Variants in SIDT1 observed in about 807,000 individuals in gnomAD.
SIDT1 encodes the protein SID1 transmembrane family, member 1.
Under a neutral mutation model 107.5 loss-of-function variants are expected in SIDT1, and 101 were observed. That is an observed-to-expected ratio of 0.94 (90% CI 0.80 to 1.11). The LOEUF (loss-of-function observed/expected upper bound fraction) is 1.11. Ranked by LOEUF, SIDT1 falls within the 50% of genes least tolerant of loss-of-function variation. The pLI, the probability that SIDT1 is intolerant of heterozygous loss-of-function variation, is 0.00. For missense variants in SIDT1, 1,076 were observed against 1,058.2 expected (o/e 1.02, Z -0.23); for synonymous variants, 395 against 398.2 (o/e 0.99, Z 0.10).
At chr3:113,588,416 C>T (rs1382231085) in intron 9 of SIDT1, among the ~76,000 whole-genome samples, 2 of 152,232 alleles carry the variant, frequency 1.3e-5, no homozygotes, top group African/African-American at 4.8e-5. Flanking sequence ...AGCTACTCAT[C>T]TCAGCATAAT....
At chr3:113,623,037 A>T (rs1341492908) in intron 21 of SIDT1, among the ~76,000 whole-genome samples, 2 of 151,916 alleles carry the variant, frequency 1.3e-5, no homozygotes, top group South Asian at 2.1e-4. Flanking sequence ...AAAAAATTTT[A>T]AAAGTTAGCT....
intron 9 of SIDT1, among the ~76,000 whole-genome samples, chr3:113,587,385 A>C (rs1401110147): frequency 6.6e-6 from 1 of 152,228 alleles, no homozygotes; most frequent in East Asian, 1.9e-4. Flanking sequence ...TAAAAACAAA[A>C]ACCCCAGGCT....
intron 3 of SIDT1, among the ~76,000 whole-genome samples, chr3:113,572,188 G>A (rs1269052327): frequency 1.3e-5 from 2 of 152,212 alleles, no homozygotes; most frequent in Admixed American, 6.5e-5. Flanking sequence ...AAGAGAAAAT[G>A]AGAATTTTGA....
intron 2 of SIDT1, 53 bp from the exon 3 acceptor site, chr3:113,567,487 T>G: frequency 6.9e-7 from 1 of 1,451,010 alleles, no homozygotes; most frequent in South Asian, 1.3e-5. Flanking sequence ...GCTCATTCAC[T>G]GAGTCCCTTT....
At chr3:113,575,342 A>T (rs571437591) in intron 3 of SIDT1, among the ~76,000 whole-genome samples, 19 of 152,344 alleles carry the variant, frequency 1.2e-4, no homozygotes, top group Admixed American at 1.2e-3. Context: ...TTGTTCTCTG[A>T]TCTGGCAACA....
intron 19 of SIDT1, among the ~76,000 whole-genome samples, chr3:113,613,388 C>T (rs2203251): frequency 0.37 from 55,960 of 152,156 alleles, 11,393 homozygotes; most frequent in African/African-American, 0.55. Flanking sequence ...CTGCAGACTC[C>T]TCACTCATGA....
intron 1 of SIDT1, among the ~76,000 whole-genome samples, chr3:113,540,599 T>A (rs1477497497): frequency 6.6e-6 from 1 of 152,214 alleles, no homozygotes; most frequent in Non-Finnish European, 1.5e-5. Flanking sequence ...TCATTTTACT[T>A]CTGAATTTTA....
At chr3:113,535,144 T>A (rs953118435) in intron 1 of SIDT1, among the ~76,000 whole-genome samples, 2 of 152,170 alleles carry the variant, frequency 1.3e-5, no homozygotes, top group African/African-American at 2.4e-5. Flanking sequence ...TGATGGCACA[T>A]GCGCCTGTAG....
At chr3:113,624,938 T>C (rs1035084995) in intron 23 of SIDT1, among the ~76,000 whole-genome samples, 14 of 152,204 alleles carry the variant, frequency 9.2e-5, no homozygotes, top group African/African-American at 2.4e-4. Context: ...TATGTAGATA[T>C]GTGTATCATA....
chr3:113,598,617 ACTAT>A (rs1296667648), intron 10 of SIDT1, among the ~76,000 whole-genome samples: 1 of 152,172 alleles, frequency 6.6e-6, no homozygotes, highest in Non-Finnish European at 1.5e-5. Context: ...CTATCCATCC[ACTAT>A]CTGAGTGACT....
chr3:113,555,262 C>T (rs1000830970), intron 1 of SIDT1, among the ~76,000 whole-genome samples: 1 of 152,170 alleles, frequency 6.6e-6, no homozygotes, highest in African/African-American at 2.4e-5. Context: ...AATATTCCCC[C>T]CAAAATCTAT....
In SIDT1 at chr3:113,627,845, A is replaced by G. The variant is rs1204431597; in HGVS notation, c.*137A>G. On this transcript the variant is annotated 3_prime_UTR_variant, in exon 25 of 25. Transcript: ENST00000264852. ...GAGCCAACTCTGCATTCACACAGGA[A>G]GGAGAGGGGCTGCGGGAGATTTAAA... 1 of 752,412 alleles carries G rather than the reference A, an allele frequency of 1.3e-6. No homozygotes were observed. Among genetic ancestry groups the G allele is most frequent in the Admixed American group, 2.4e-5 (1 of 40,910 alleles). The allele number at this position is 752,412 out of a possible 1,614,324, so 46.6% of individuals were successfully genotyped here.
intron 1 of SIDT1, among the ~76,000 whole-genome samples, chr3:113,548,439 A>C (rs1359264668): frequency 6.6e-6 from 1 of 152,028 alleles, no homozygotes; most frequent in East Asian, 1.9e-4. Context: ...TTTTATTTTT[A>C]CTGTCTCTCT....
intron 20 of SIDT1, among the ~76,000 whole-genome samples, chr3:113,617,103 A>G (rs1946164053): frequency 6.6e-6 from 1 of 152,188 alleles, no homozygotes; most frequent in South Asian, 2.1e-4. Context: ...ACCCTTGTGG[A>G]AGTGAAAGGG....
intron 21 of SIDT1, 66 bp downstream of exon 21, chr3:113,619,792 C>T: frequency 1.5e-6 from 2 of 1,377,342 alleles, no homozygotes; most frequent in Non-Finnish European, 2.1e-6. Context: ...GTTTAGCTTT[C>T]CTTGACTGTC....
intron 1 of SIDT1, among the ~76,000 whole-genome samples, chr3:113,557,320 T>C (rs897933067): frequency 1.3e-5 from 2 of 152,124 alleles, no homozygotes; most frequent in African/African-American, 2.4e-5. Context: ...ATATTATGGG[T>C]TGATTTGTTT....
intron 14 of SIDT1, among the ~76,000 whole-genome samples, chr3:113,605,809 GC>G (rs1471925473): frequency 6.6e-6 from 1 of 152,064 alleles, no homozygotes; most frequent in Non-Finnish European, 1.5e-5. Context: ...TTTGAGACCA[GC>G]CTGGGCAACA....
At chr3:113,569,156 A>C (rs1942217236) in intron 3 of SIDT1, among the ~76,000 whole-genome samples, 1 of 151,262 alleles carries the variant, frequency 6.6e-6, no homozygotes, top group Admixed American at 6.6e-5. Flanking sequence ...AAAAAAAAAA[A>C]AAAGGAAGCC....
At chr3:113,605,235 GC>G in intron 14 of SIDT1, among the ~76,000 whole-genome samples, 1 of 146,360 alleles carries the variant, frequency 6.8e-6, no homozygotes, top group Admixed American at 7.2e-5. Flanking sequence ...CAATTCTCCT[GC>G]CTCAGCCTCC....
Sources: gnomAD v4.1 joint callset for allele counts (sites outside exome capture counted in the v4.1 genomes callset) on GRCh38, gnomAD v4.1.1 for gene constraint, MANE v1.5 for transcripts, NCBI Gene and HGNC (gene_info 2026-07-23, HGNC 2026-07-21) for gene names.